Variants in BANK1 observed in about 807,000 individuals in gnomAD.
BANK1 encodes the protein B-cell scaffold protein with ankyrin repeats.
BANK1 carries 95 observed loss-of-function variants against 94.5 expected under a neutral mutation model. The ratio of observed to expected loss-of-function variants is 1.00; its 90% CI spans 0.85 to 1.19. The LOEUF (loss-of-function observed/expected upper bound fraction) is 1.19. Ranked by LOEUF, BANK1 falls within the 50% of genes most tolerant of loss-of-function variation. BANK1 has a pLI of 0.00. For synonymous variants in BANK1, 334 were observed against 308.4 expected, an observed-to-expected ratio of 1.08 and a Z score of -0.87; for missense variants, 987 against 932.2, an observed-to-expected ratio of 1.06 and a Z score of -0.77.
chr4:101,800,886 T>G lies in BANK1; in HGVS notation c.70+9936T>G, dbSNP rs140879770. Among the ~76,000 whole-genome samples the G allele has an allele frequency of 7.3e-3, 1,110 of 152,298 alleles. 12 individuals are homozygous for G. Among genetic ancestry groups the G allele is most frequent in the African/African-American group, 0.026 (1,063 of 41,572 alleles). ...GATTCTCCTGCTTCAGCCTCTCAGA[T>G]AGCTGGGATTACAGGCGGCTGCCAA... On this transcript the variant is annotated intron_variant, in intron 1 of 16. Transcript: ENST00000322953.
intron 6 of BANK1, among the ~76,000 whole-genome samples, chr4:101,902,932 C>A (rs1293286282): frequency 1.3e-5 from 2 of 152,138 alleles, no homozygotes; most frequent in African/African-American, 2.4e-5. Flanking sequence ...TAAATAAAGT[C>A]ATCAGTTGTT....
intron 7 of BANK1, among the ~76,000 whole-genome samples, chr4:101,934,944 A>C (rs542265477): frequency 5.3e-5 from 8 of 151,614 alleles, no homozygotes; most frequent in African/African-American, 1.9e-4. Context: ...CATCTTCTTC[A>C]TGAGGTCTCC....
chr4:101,910,910 G>A (rs1722643185), intron 6 of BANK1, among the ~76,000 whole-genome samples: 1 of 152,052 alleles, frequency 6.6e-6, no homozygotes, highest in Non-Finnish European at 1.5e-5. Context: ...CTCTCAGAGG[G>A]CACAGAAGCC....
intron 5 of BANK1, among the ~76,000 whole-genome samples, chr4:101,876,106 C>T (rs1728480998): frequency 6.6e-6 from 1 of 152,186 alleles, no homozygotes; most frequent in African/African-American, 2.4e-5. Flanking sequence ...AGGGAACCCA[C>T]TGCCTTGAAG....
At chr4:101,908,714 A>C (rs1553932086) in intron 6 of BANK1, among the ~76,000 whole-genome samples, 1 of 152,212 alleles carries the variant, frequency 6.6e-6, no homozygotes, top group Non-Finnish European at 1.5e-5. Flanking sequence ...TTACAAGAAA[A>C]AAACAAACAA....
At chr4:102,026,810 G>C in intron 9 of BANK1, among the ~76,000 whole-genome samples, 1 of 141,372 alleles carries the variant, frequency 7.1e-6, no homozygotes, top group African/African-American at 2.7e-5. Context: ...CAACAAGAGT[G>C]AGACTCCATC....
At chr4:101,986,914 T>TATATAC (rs1725523267) in intron 7 of BANK1, among the ~76,000 whole-genome samples, 1 of 131,798 alleles carries the variant, frequency 7.6e-6, no homozygotes, top group Non-Finnish European at 1.6e-5. Flanking sequence ...TATATATATA[T>TATATAC]ATATATATAT....
chr4:101,935,629 G>A (rs28616585), intron 7 of BANK1, among the ~76,000 whole-genome samples: 12,409 of 151,422 alleles, frequency 0.082, 951 homozygotes, highest in African/African-American at 0.2. Context: ...GTGTAACACC[G>A]TAATTGATAG....
At chr4:101,874,469 A>G (rs779517047) in intron 5 of BANK1, among the ~76,000 whole-genome samples, 1 of 152,078 alleles carries the variant, frequency 6.6e-6, no homozygotes, top group Non-Finnish European at 1.5e-5. Context: ...ATCTTTCTCA[A>G]AAGCTTAATG....
At chr4:101,878,042 CA>C (rs1333574500) in intron 5 of BANK1, among the ~76,000 whole-genome samples, 2 of 151,712 alleles carry the variant, frequency 1.3e-5, no homozygotes, top group African/African-American at 4.8e-5. Flanking sequence ...GAAAGAAGGA[CA>C]AAAAGGCCAC....
intron 7 of BANK1, among the ~76,000 whole-genome samples, chr4:101,954,996 A>G (rs1724288993): frequency 6.6e-6 from 1 of 152,186 alleles, no homozygotes; most frequent in South Asian, 2.1e-4. Context: ...TTAATTAATG[A>G]AAAGAAAAAA....
At chr4:101,948,918 A>G (rs1363448908) in intron 7 of BANK1, among the ~76,000 whole-genome samples, 3 of 152,252 alleles carry the variant, frequency 2.0e-5, no homozygotes, top group Middle Eastern at 3.4e-3. Flanking sequence ...TTTGTTAATC[A>G]TGGATGACTT....
intron 6 of BANK1, among the ~76,000 whole-genome samples, chr4:101,915,683 A>G (rs767925874): frequency 3.9e-5 from 6 of 152,096 alleles, no homozygotes; most frequent in Non-Finnish European, 8.8e-5. Flanking sequence ...CTACTTGTGA[A>G]TTTTCCACTA....
rs1415033508 is a variant in BANK1 at position 102,073,926 on chromosome 4, G to A, written c.*6-79G>A. 1.3e-5 allele frequency: 6 copies of A among 466,804 alleles called. No homozygotes were observed. In the Admixed American group the frequency reaches 1.6e-4, roughly 13 times the overall value. The allele number at this position is 466,804 out of a possible 1,614,324, so 28.9% of individuals were successfully genotyped here. ...GCTCTGTAGAAAGATTTATGTACAG[G>A]GGTGATTTAATGCCAATTAATCAAT... On this transcript the variant is annotated intron_variant, in intron 16 of 16. Coordinates refer to ENST00000322953, the MANE Select transcript of BANK1 (RefSeq NM_017935.5).
chr4:101,859,071 A>G (rs551230202), intron 3 of BANK1, among the ~76,000 whole-genome samples: 13 of 152,366 alleles, frequency 8.5e-5, no homozygotes, highest in African/African-American at 2.6e-4. Flanking sequence ...TACAAAAGCT[A>G]ACAGCACTAC....
At chr4:102,006,739 C>A (rs1253806673) in intron 7 of BANK1, among the ~76,000 whole-genome samples, 1 of 151,656 alleles carries the variant, frequency 6.6e-6, no homozygotes, top group East Asian at 1.9e-4. Flanking sequence ...GACAGACAAT[C>A]TTTCATAAGA....
chr4:101,801,753 C>T (rs139301876), intron 1 of BANK1, among the ~76,000 whole-genome samples: 79 of 152,320 alleles, frequency 5.2e-4, no homozygotes, highest in African/African-American at 1.8e-3. Context: ...GTCTTAAAAA[C>T]TTATAAGACC....
intron 7 of BANK1, among the ~76,000 whole-genome samples, chr4:101,973,720 C>T (rs1185360094): frequency 2.0e-5 from 3 of 151,756 alleles, no homozygotes; most frequent in Admixed American, 6.6e-5. Flanking sequence ...TAACTCATTT[C>T]GGGGTTGTTA....
At chr4:101,815,970 CCTAA>C (rs1182915079) in intron 1 of BANK1, among the ~76,000 whole-genome samples, 10 of 152,040 alleles carry the variant, frequency 6.6e-5, no homozygotes, top group African/African-American at 2.4e-4. Context: ...CCCTAACTAC[CCTAA>C]CTTTTATGTA....
Sources: gnomAD v4.1 joint callset for allele counts (sites outside exome capture counted in the v4.1 genomes callset) on GRCh38, gnomAD v4.1.1 for gene constraint, MANE v1.5 for transcripts, NCBI Gene and HGNC (gene_info 2026-07-23, HGNC 2026-07-21) for gene names.